PTPRD: variants seen among roughly 807,000 people sequenced by gnomAD.
PTPRD encodes receptor-type tyrosine-protein phosphatase delta.
PTPRD carries 34 observed loss-of-function variants against 214.5 expected under a neutral mutation model. That is an observed-to-expected ratio of 0.16 (90% CI 0.12 to 0.21). The LOEUF is 0.21. PTPRD is among the 10% of genes least tolerant of loss of function. PTPRD has a pLI of 1.00. For synonymous variants in PTPRD, 1,128 were observed against 845.7 expected (o/e 1.33, Z -5.79); for missense variants, 2,545 against 2,398.7 (o/e 1.06, Z -1.27).
At chr9:10,503,977 G>C (rs200982678) in intron 2 of PTPRD, among the ~76,000 whole-genome samples, 2 of 151,124 alleles carry the variant, frequency 1.3e-5, no homozygotes, top group East Asian at 3.9e-4. Context: ...TTAGCCGGGC[G>C]TGGTGGCGGG....
At chr9:8,555,948 A>C (rs1290066862) in intron 14 of PTPRD, among the ~76,000 whole-genome samples, 1 of 152,200 alleles carries the variant, frequency 6.6e-6, no homozygotes, top group Non-Finnish European at 1.5e-5. Flanking sequence ...GCAGATGCAG[A>C]TCTGTGAAGA....
At chr9:8,376,477 C>T (rs1566447) in intron 38 of PTPRD, 130 bp downstream of exon 38, 433,705 of 1,314,932 alleles carry the variant, frequency 0.33, 74,127 homozygotes, top group African/African-American at 0.43. Context: ...AATGGAAGAT[C>T]TATTTCATTC....
intron 10 of PTPRD, among the ~76,000 whole-genome samples, chr9:9,123,654 T>C (rs1468841094): frequency 6.6e-6 from 1 of 152,182 alleles, no homozygotes; most frequent in African/African-American, 2.4e-5. Context: ...AAAGCAATTA[T>C]ACTTTCTCGA....
chr9:10,008,218 T>C (rs908675614), intron 4 of PTPRD, among the ~76,000 whole-genome samples: 124 of 151,932 alleles, frequency 8.2e-4, no homozygotes, highest in African/African-American at 2.8e-3. Context: ...AGGTCACACA[T>C]ACCTCACTAT....
At chr9:9,686,277 T>A (rs1270980043) in intron 7 of PTPRD, among the ~76,000 whole-genome samples, 5 of 138,592 alleles carry the variant, frequency 3.6e-5, no homozygotes, top group African/African-American at 5.2e-5. Flanking sequence ...CTCTCATATT[T>A]GAGATGTATG....
At chr9:8,556,713 G>A (rs931427273) in intron 14 of PTPRD, among the ~76,000 whole-genome samples, 6 of 152,054 alleles carry the variant, frequency 3.9e-5, no homozygotes, top group African/African-American at 1.4e-4. Context: ...TGCTTATTCT[G>A]TCTTAGAATG....
At chr9:9,569,388 A>G (rs1036674266) in intron 8 of PTPRD, among the ~76,000 whole-genome samples, 3 of 151,768 alleles carry the variant, frequency 2.0e-5, no homozygotes, top group Admixed American at 6.6e-5. Flanking sequence ...GATTTGTATC[A>G]TGTGATAACA....
chr9:8,336,163 C>CA (rs1274352119), intron 43 of PTPRD, among the ~76,000 whole-genome samples: 6 of 148,630 alleles, frequency 4.0e-5, no homozygotes, highest in African/African-American at 1.3e-4. Flanking sequence ...CAATCCTAAG[C>CA]AAAAAGAACA....
chr9:10,432,992 G>C (rs533645592), intron 2 of PTPRD, among the ~76,000 whole-genome samples: 2 of 151,716 alleles, frequency 1.3e-5, no homozygotes, highest in Non-Finnish European at 2.9e-5. Flanking sequence ...AGGTCCATAC[G>C]TAAGTCCCTG....
chr9:9,991,062 G>A (rs1332408251), intron 4 of PTPRD, among the ~76,000 whole-genome samples: 1 of 151,514 alleles, frequency 6.6e-6, no homozygotes, highest in African/African-American at 2.4e-5. Flanking sequence ...AGCCTCCTGA[G>A]TAGCTGAGAT....
At chr9:10,408,898 T>C (rs2098405018) in intron 2 of PTPRD, among the ~76,000 whole-genome samples, 1 of 151,722 alleles carries the variant, frequency 6.6e-6, no homozygotes, top group South Asian at 2.1e-4. Flanking sequence ...GTTATTTTCA[T>C]CCTTTTGCTC....
chr9:9,138,636 T>C (rs1364849661), intron 10 of PTPRD, among the ~76,000 whole-genome samples: 1 of 152,176 alleles, frequency 6.6e-6, no homozygotes, highest in Non-Finnish European at 1.5e-5. Context: ...GGGGAGGGAA[T>C]AACCACAGTT....
intron 3 of PTPRD, among the ~76,000 whole-genome samples, chr9:10,284,901 A>T (rs1372312475): frequency 1.3e-5 from 2 of 152,180 alleles, no homozygotes; most frequent in Non-Finnish European, 2.9e-5. Flanking sequence ...TTCATCTTAG[A>T]ATTCTGCATA....
intron 4 of PTPRD, among the ~76,000 whole-genome samples, chr9:10,032,353 AATG>A (rs1248276095): frequency 6.6e-6 from 1 of 152,190 alleles, no homozygotes; most frequent in African/African-American, 2.4e-5. Context: ...AGTGATCATA[AATG>A]ATGTGTGCCA....
At chr9:8,646,328 C>T (rs573384544) in intron 12 of PTPRD, among the ~76,000 whole-genome samples, 2 of 152,144 alleles carry the variant, frequency 1.3e-5, no homozygotes, top group Non-Finnish European at 2.9e-5. Flanking sequence ...TGTTTTCTAA[C>T]GCATCTGTGA....
intron 14 of PTPRD, among the ~76,000 whole-genome samples, chr9:8,626,388 C>G (rs141061264): frequency 6.6e-6 from 1 of 151,842 alleles, no homozygotes; most frequent in Non-Finnish European, 1.5e-5. Context: ...CAATGAGTCA[C>G]GTCCCAACCT....
At chr9:10,109,297 T>C (rs773588313) in intron 3 of PTPRD, among the ~76,000 whole-genome samples, 9 of 152,112 alleles carry the variant, frequency 5.9e-5, no homozygotes, top group Non-Finnish European at 2.9e-5. Context: ...AGCTGATGAG[T>C]GATGTTACAG....
intron 3 of PTPRD, among the ~76,000 whole-genome samples, chr9:10,312,538 A>G (rs1398750900): frequency 6.6e-6 from 1 of 151,904 alleles, no homozygotes; most frequent in African/African-American, 2.4e-5. Flanking sequence ...AAATTTATAA[A>G]CTCTTGCTTA....
intron 2 of PTPRD, among the ~76,000 whole-genome samples, chr9:10,441,872 C>T (rs1202131423): frequency 2.0e-5 from 3 of 151,564 alleles, no homozygotes; most frequent in Non-Finnish European, 3.0e-5. Context: ...TGCATACATA[C>T]TACCATACCT....
Sources: gnomAD v4.1 joint callset for allele counts (sites outside exome capture counted in the v4.1 genomes callset) on GRCh38, gnomAD v4.1.1 for gene constraint, MANE v1.5 for transcripts, NCBI Gene and HGNC (gene_info 2026-07-23, HGNC 2026-07-21) for gene names.